The following GSE1 variants were observed in gnomAD, a reference collection of about 807,000 sequenced individuals.
GSE1 encodes Gse1 coiled-coil protein, also known as genetic suppressor element 1.
Under a neutral mutation model 112.6 loss-of-function variants are expected in GSE1, and 32 were observed. The observed-to-expected ratio is 0.28, with a 90% CI of 0.21 to 0.38. GSE1 has a LOEUF of 0.38. Ranked by LOEUF, GSE1 falls within the 10% of genes least tolerant of loss-of-function variation. The pLI, the probability that GSE1 is intolerant of heterozygous loss-of-function variation, is 1.00. For missense variants in GSE1, 2,348 were observed against 1,699.2 expected, an observed-to-expected ratio of 1.38 and a Z score of -6.71; for synonymous variants, 1,115 against 735.6, an observed-to-expected ratio of 1.52 and a Z score of -8.35.
At chr16:85,506,460 G>A (rs1446778170) in intron 2 of GSE1, among the ~76,000 whole-genome samples, 3 of 152,122 alleles carry the variant, frequency 2.0e-5, no homozygotes, top group African/African-American at 7.2e-5. Flanking sequence ...AGGGAGGGAA[G>A]GGTTCTTCCA....
rs1267209766 is a variant in GSE1 at position 85,578,718 on chromosome 16, C to CAGCA, written c.37+22355_37+22356insAGCA. On this transcript the variant is annotated intron_variant, in intron 1 of 2. Transcript: ENST00000635906. ...TGAGAGTAAAAGCCAGCATTCTCTG[C>CAGCA]CTCCACTACCCCTCACCACACATGG... 3.2e-3 allele frequency among the ~76,000 whole-genome samples: 493 copies of CAGCA among 152,228 alleles called. 1 individual carries two copies. Among genetic ancestry groups the CAGCA allele is most frequent in the African/African-American group, 0.011 (466 of 41,508 alleles).
At chr16:85,526,732 C>T (rs1412477733) in intron 2 of GSE1, among the ~76,000 whole-genome samples, 1 of 152,152 alleles carries the variant, frequency 6.6e-6, no homozygotes, top group East Asian at 1.9e-4. Context: ...AACCAGCCAC[C>T]TCTCCCCTCA....
At chr16:85,416,557 G>C (rs1403789861) in intron 2 of GSE1, among the ~76,000 whole-genome samples, 1 of 152,234 alleles carries the variant, frequency 6.6e-6, no homozygotes, top group Non-Finnish European at 1.5e-5. Context: ...GGGGGAGCCC[G>C]GGTTGAGGGT....
intron 13 of GSE1, among the ~76,000 whole-genome samples, chr16:85,666,969 G>A (rs2052913636): frequency 6.6e-6 from 1 of 152,258 alleles, no homozygotes; most frequent in Admixed American, 6.5e-5. Context: ...CAAGTCAAGT[G>A]TAGGCATTGT....
intron 1 of GSE1, among the ~76,000 whole-genome samples, chr16:85,259,172 C>G (rs1028710835): frequency 6.6e-6 from 1 of 152,132 alleles, no homozygotes; most frequent in Admixed American, 6.5e-5. Context: ...ATCATGTCAC[C>G]AGGGGCGGGG....
intron 2 of GSE1, among the ~76,000 whole-genome samples, chr16:85,476,977 T>G (rs897927159): frequency 7.0e-6 from 1 of 143,166 alleles, no homozygotes; most frequent in African/African-American, 2.6e-5. Flanking sequence ...CCAACTGGAG[T>G]GCAGTGGTGT....
chr16:85,286,789 C>T lies in GSE1; in HGVS notation c.2284-70674C>T, dbSNP rs144096626. Among the ~76,000 whole-genome samples the T allele has an allele frequency of 9.2e-5, 14 of 151,754 alleles. No homozygotes were observed. The East Asian group carries it at 1.9e-3, about 21-fold the overall frequency. On this transcript the variant is annotated intron_variant, in intron 1 of 2. Coordinates refer to the GSE1 transcript ENST00000637419. Reference sequence around the variant, plus strand: ...ATCACTTGGGAAGTTTAAAGTCAGACGAGTTCGTATGATCAGCGAGTGGGA... The same window carrying T: ...ATCACTTGGGAAGTTTAAAGTCAGATGAGTTCGTATGATCAGCGAGTGGGA...
chr16:85,581,602 A>C (rs1190696788), intron 1 of GSE1, among the ~76,000 whole-genome samples: 2 of 152,168 alleles, frequency 1.3e-5, no homozygotes, highest in East Asian at 1.9e-4. Flanking sequence ...GAAGTTCAGC[A>C]TGCGTCTCTG....
At chr16:85,292,218 A>G (rs965282404) in intron 1 of GSE1, among the ~76,000 whole-genome samples, 32 of 150,454 alleles carry the variant, frequency 2.1e-4, no homozygotes, top group Admixed American at 6.0e-4. Context: ...GGCTCACTGC[A>G]TCCTCCGCCT....
intron 1 of GSE1, among the ~76,000 whole-genome samples, chr16:85,255,602 A>G: frequency 6.6e-6 from 1 of 151,750 alleles, no homozygotes; most frequent in Non-Finnish European, 1.5e-5. Context: ...AGAGGGTTTC[A>G]CCATGTTGGC....
Position 85,447,772 on chromosome 16 carries a change from G to A in GSE1, c.2464+90129G>A, listed in dbSNP as rs547716156. Among the ~76,000 whole-genome samples, 9 of 152,354 alleles carry A rather than the reference G, an allele frequency of 5.9e-5. No homozygotes were observed. The South Asian group carries it at 1.9e-3, about 32-fold the overall frequency. On this transcript the variant is annotated intron_variant, in intron 2 of 2. Transcript: ENST00000637419. ...GCTGCTGAGGCTTCCAAAGGGAGCA[G>A]CCACCTGCACCTTTAGGTGTGAGGT...
chr16:85,663,057 C>T lies in GSE1; in HGVS notation c.2337C>T (p.Ala779=), dbSNP rs942091090. The change falls in exon 10 of 16, where the codon GCC becomes GCT. Residue 779 remains alanine, a synonymous_variant. Coordinates refer to ENST00000253458, the MANE Select transcript of GSE1 (RefSeq NM_014615.5). The part of the protein sequence containing the change: ...EEVRAHLRCV[A]EQPPLKLDTS... Reference sequence around the variant, plus strand: ...TCAGGGCCCACCTCCGTTGCGTGGCCGAGCAGCCGCCCCTCAAACTGGACA... The same window carrying T: ...TCAGGGCCCACCTCCGTTGCGTGGCTGAGCAGCCGCCCCTCAAACTGGACA... 1.2e-5 allele frequency: 19 copies of T among 1,612,550 alleles called. No individual in the cohort carries two copies. The highest frequency in any genetic ancestry group is 2.7e-5 in the African/African-American group (2 of 74,918).
intron 1 of GSE1, among the ~76,000 whole-genome samples, chr16:85,260,124 C>T (rs532589607): frequency 2.0e-5 from 3 of 152,112 alleles, no homozygotes; most frequent in African/African-American, 7.2e-5. Flanking sequence ...GCAGCCCCCC[C>T]GCAGCAGTGC....
intron 1 of GSE1, among the ~76,000 whole-genome samples, chr16:85,352,313 C>T (rs111995169): frequency 0.013 from 2,017 of 152,298 alleles, 35 homozygotes; most frequent in African/African-American, 0.039. Context: ...AAATTTCCCC[C>T]TTTCATCCTT....
chr16:85,517,411 G>T (rs1383973383), intron 2 of GSE1, among the ~76,000 whole-genome samples: 1 of 152,216 alleles, frequency 6.6e-6, no homozygotes, highest in African/African-American at 2.4e-5. Flanking sequence ...CACATAAAAA[G>T]CTTCCAGCAG....
At chr16:85,312,454 G>T (rs576723135) in intron 1 of GSE1, among the ~76,000 whole-genome samples, 1 of 152,214 alleles carries the variant, frequency 6.6e-6, no homozygotes, top group South Asian at 2.1e-4. Flanking sequence ...GTATTGCCCC[G>T]ATCTCTGCCT....
At chr16:85,529,130 C>T (rs891985032) in intron 2 of GSE1, among the ~76,000 whole-genome samples, 37 of 151,822 alleles carry the variant, frequency 2.4e-4, no homozygotes, top group Admixed American at 1.4e-3. Context: ...GGGGTCGGAC[C>T]GGGTTAGACT....
rs74318736 is a variant in GSE1 at position 85,578,938 on chromosome 16, G to A, written c.37+22575G>A. On this transcript the variant is annotated intron_variant, in intron 1 of 2. Coordinates refer to the GSE1 transcript ENST00000635906. ...GACTGTAAGCTCCCCCCAGCACAGC[G>A]ATCTGGTTTGTCTTGTTCTCTGTGG... Among the ~76,000 whole-genome samples, 252 of 151,818 alleles carry A rather than the reference G, an allele frequency of 1.7e-3. 2 individuals are homozygous for A. The highest frequency in any genetic ancestry group is 5.6e-3 in the African/African-American group (230 of 41,340).
At chr16:85,478,891 CTT>C (rs1231265822) in intron 2 of GSE1, among the ~76,000 whole-genome samples, 14 of 72,588 alleles carry the variant, frequency 1.9e-4, no homozygotes, top group African/African-American at 1.2e-3. Context: ...TTCTTTCTTT[CTT>C]TCTTTCTTTC....
Sources: gnomAD v4.1 joint callset for allele counts (sites outside exome capture counted in the v4.1 genomes callset) on GRCh38, gnomAD v4.1.1 for gene constraint, MANE v1.5 for transcripts, NCBI Gene and HGNC (gene_info 2026-07-23, HGNC 2026-07-21) for gene names.